PHRF1: variants seen among roughly 807,000 people sequenced by gnomAD.
PHRF1 encodes the protein PHD and RING finger domain-containing protein 1.
In PHRF1, 53 loss-of-function variants were observed where a neutral mutation model predicts 128.9. The observed-to-expected ratio is 0.41, with a 90% CI of 0.33 to 0.52. The LOEUF (loss-of-function observed/expected upper bound fraction) is 0.52. Ranked by LOEUF, PHRF1 falls within the 20% of genes least tolerant of loss-of-function variation. The pLI, the probability that PHRF1 is intolerant of heterozygous loss-of-function variation, is 0.21. For missense variants in PHRF1, 2,503 were observed against 2,284.5 expected (o/e 1.10, Z -1.95); for synonymous variants, 1,178 against 980.6 (o/e 1.20, Z -3.76).
chr11:591,487 T>G lies in PHRF1; in HGVS notation c.504+20T>G. ...AGAAAGGTGAGTGTGGACGCTGCCG[T>G]GGAGGCCCCAGCCGTGCTTCTATCC... On this transcript the variant is annotated intron_variant, in intron 5 of 17. Transcript: ENST00000264555. The G allele has an allele frequency of 6.3e-7, 1 of 1,587,170 alleles. No individual in the cohort carries two copies. Among genetic ancestry groups the G allele is most frequent in the Non-Finnish European group, 8.6e-7 (1 of 1,164,320 alleles).
intron 3 of PHRF1, among the ~76,000 whole-genome samples, chr11:584,008 G>A (rs748318355): frequency 2.0e-5 from 3 of 152,240 alleles, no homozygotes; most frequent in Non-Finnish European, 4.4e-5. Context: ...TTTCTGCATA[G>A]CCCTGTGGTT....
At chr11:578,710 C>T (rs1445445335) in intron 1 of PHRF1, among the ~76,000 whole-genome samples, 3 of 152,172 alleles carry the variant, frequency 2.0e-5, no homozygotes, top group South Asian at 4.1e-4. Flanking sequence ...GGACTACAGG[C>T]GGTTTCCACC....
intron 10 of PHRF1, among the ~76,000 whole-genome samples, chr11:602,440 G>C (rs368901146): frequency 3.3e-5 from 5 of 152,196 alleles, no homozygotes; most frequent in East Asian, 1.9e-4. Flanking sequence ...CACCACTTTG[G>C]GGGGCTGAGG....
intron 13 of PHRF1, 186 bp downstream of exon 13, chr11:606,782 C>T (rs965078187): frequency 1.1e-6 from 1 of 937,396 alleles, no homozygotes; most frequent in Non-Finnish European, 1.5e-6. Flanking sequence ...AGTTCTTACC[C>T]AGCCCCACAG....
intron 3 of PHRF1, 51 bp from the exon 4 acceptor site, chr11:587,208 C>T (rs530897267): frequency 3.1e-5 from 49 of 1,572,188 alleles, no homozygotes; most frequent in Admixed American, 2.0e-4. Context: ...TCCAGTGCCG[C>T]GGTTCACGCT....
rs922626256 is a variant in PHRF1, at chr11:597,278, C to T, written c.719-117C>T. Reference sequence around the variant, plus strand: ...CAGGCTCCATGAGCAGCCCTGGGTCCTGTGCACAGGTCAGCCCGAGCCAGG... The same window carrying T: ...CAGGCTCCATGAGCAGCCCTGGGTCTTGTGCACAGGTCAGCCCGAGCCAGG... On this transcript the variant is annotated intron_variant, in intron 7 of 17. Coordinates refer to ENST00000264555, the MANE Select transcript of PHRF1 (RefSeq NM_001286581.2). The surrounding 1 kb of genome is among the most constrained non-coding windows in gnomAD (Gnocchi z 6.5). 1.5e-6 allele frequency: 2 copies of T among 1,309,170 alleles called. No homozygotes were observed. Among genetic ancestry groups the T allele is most frequent in the Admixed American group, 2.3e-5 (1 of 42,992 alleles). 81.1% of individuals were successfully genotyped at this position (1,309,170 alleles called of 1,614,324 possible).
rs1423216486 is a variant in PHRF1 at position 597,050 on chromosome 11, A to G, written c.718+30A>G. On this transcript the variant is annotated intron_variant, in intron 7 of 17. Coordinates refer to ENST00000264555, the MANE Select transcript of PHRF1 (RefSeq NM_001286581.2). The surrounding 1 kb of genome is among the most constrained non-coding windows in gnomAD (Gnocchi z 6.5). ...GGACACTGCTCCCGTCCCAAGGCGC[A>G]CATGGGCCTTCTCACTGTCCACTCT... The G allele has an allele frequency of 6.2e-7, 1 of 1,605,450 alleles. No individual in the cohort carries two copies. Among genetic ancestry groups the G allele is most frequent in the Non-Finnish European group, 8.5e-7 (1 of 1,173,398 alleles).
At chr11:581,371 C>T (rs996955109) in intron 1 of PHRF1, 121 bp from the exon 2 acceptor site, 1 of 761,076 alleles carries the variant, frequency 1.3e-6, no homozygotes, top group Admixed American at 2.7e-5. Flanking sequence ...GCTCACTCTT[C>T]ACGTGCTGTG....
chr11:606,710 C>G, intron 13 of PHRF1, 114 bp downstream of exon 13: 5 of 1,386,416 alleles, frequency 3.6e-6, no homozygotes, highest in Non-Finnish European at 4.8e-6. Flanking sequence ...GTTGGGGGGA[C>G]CATTCCTCAG....
At chr11:577,659 A>T (rs1051019754) in intron 1 of PHRF1, among the ~76,000 whole-genome samples, 5 of 152,168 alleles carry the variant, frequency 3.3e-5, no homozygotes, top group African/African-American at 1.2e-4. Context: ...GACAATTTTG[A>T]GTTCTCCTAG....
At position 606,553 on chromosome 11, in the gene PHRF1, T is replaced by C. The variant is rs1207632311; in HGVS notation, c.1566T>C (p.Asp522=). The C allele has an allele frequency of 1.2e-6, 2 of 1,609,908 alleles. No homozygotes were observed. Among genetic ancestry groups the C allele is most frequent in the African/African-American group, 1.3e-5 (1 of 74,926 alleles). ...GCCTCCTGATGCTGGGCAGCAGTGA[T>C]GTCATCATCCACCGCGACGGCTCCC... The part of the protein sequence containing the change: ...GQSLLMLGSS[D]VIIHRDGSLS... Residue 522 remains aspartate, a synonymous_variant, in exon 13 of 18, where the codon GAT becomes GAC. Coordinates refer to ENST00000264555, the MANE Select transcript of PHRF1 (RefSeq NM_001286581.2).
At chr11:606,651 T>C in intron 13 of PHRF1, 55 bp downstream of exon 13, 2 of 1,544,772 alleles carry the variant, frequency 1.3e-6, no homozygotes, top group South Asian at 2.4e-5. Flanking sequence ...GTCCTCAGGC[T>C]GTTCGCAAGC....
rs757945585 is a variant in PHRF1 at position 597,364 on chromosome 11, G to T, written c.719-31G>T. On this transcript the variant is annotated intron_variant, in intron 7 of 17. Coordinates refer to ENST00000264555, the MANE Select transcript of PHRF1 (RefSeq NM_001286581.2). This position sits in a 1 kb window ranked among gnomAD's most constrained non-coding sequence, Gnocchi z 6.5. ...TGGGGGAGGCGTGTGGCCTGTGAGT[G>T]TGGCACATCAGCCCTGGTGGTTCTT... is the stretch of plus-strand genomic sequence containing the variant. The T allele has an allele frequency of 1.3e-6, 2 of 1,599,414 alleles. No individual in the cohort carries two copies. Among genetic ancestry groups the T allele is most frequent in the South Asian group, 2.2e-5 (2 of 88,906 alleles).
At chr11:606,846 A>G (rs1855978970) in intron 13 of PHRF1, 1 of 894,982 alleles carries the variant, frequency 1.1e-6, no homozygotes, top group Admixed American at 3.0e-5. Flanking sequence ...CCCCTGGTTA[A>G]TATCGTGTCC....
At chr11:590,050 T>G (rs1854865972) in intron 4 of PHRF1, among the ~76,000 whole-genome samples, 1 of 133,946 alleles carries the variant, frequency 7.5e-6, no homozygotes, top group African/African-American at 3.0e-5. Flanking sequence ...GGGCTCAGCC[T>G]GAGAATGTCT....
At chr11:583,066 C>T (rs1046754792) in intron 3 of PHRF1, among the ~76,000 whole-genome samples, 10 of 142,366 alleles carry the variant, frequency 7.0e-5, no homozygotes, top group South Asian at 4.5e-4. Flanking sequence ...GCTGTCTGGG[C>T]GCGGTGGCTC....
chr11:609,738 C>T lies in PHRF1; in HGVS notation c.4264+18C>T. On this transcript the variant is annotated intron_variant, in intron 14 of 17. Transcript: ENST00000264555. ...AGCCCCCCGTGAGTAGTGCCCCGGC[C>T]CCCACCGAGGACAGAGCCCCCAGTG... 7.0e-7 allele frequency: 1 copy of T among 1,438,550 alleles called. No individual in the cohort carries two copies. Among genetic ancestry groups the T allele is most frequent in the Non-Finnish European group, 9.1e-7 (1 of 1,093,768 alleles). 89.1% of individuals were successfully genotyped at this position (1,438,550 alleles called of 1,614,324 possible).
At chr11:606,780 C>A in intron 13 of PHRF1, 184 bp downstream of exon 13, 1 of 955,144 alleles carries the variant, frequency 1.0e-6, no homozygotes, top group Non-Finnish European at 1.5e-6. Flanking sequence ...CGAGTTCTTA[C>A]CCAGCCCCAC....
intron 4 of PHRF1, 75 bp downstream of exon 4, chr11:587,539 C>T (rs1854644179): frequency 6.8e-7 from 1 of 1,474,882 alleles, no homozygotes; most frequent in Non-Finnish European, 9.4e-7. Flanking sequence ...AGCCTGTGTT[C>T]AGCCTCTTGT....
Sources: gnomAD v4.1 joint callset for allele counts (sites outside exome capture counted in the v4.1 genomes callset) on GRCh38, gnomAD v4.1.1 for gene constraint, Gnocchi (gnomAD v3.1) non-coding constraint, MANE v1.5 for transcripts, NCBI Gene and HGNC (gene_info 2026-07-23, HGNC 2026-07-21) for gene names.